RSU1: variants seen among roughly 807,000 people sequenced by gnomAD.
RSU1 encodes Ras suppressor protein 1.
In RSU1, 26 loss-of-function variants were observed where a neutral mutation model predicts 31.1. The ratio of observed to expected loss-of-function variants is 0.84; its 90% CI spans 0.61 to 1.16. The LOEUF (loss-of-function observed/expected upper bound fraction) is 1.16, where lower values mean the gene tolerates loss of function less well. RSU1 is among the 50% of genes most tolerant of loss of function. The pLI is 0.00. For synonymous variants in RSU1, 164 were observed against 136.3 expected (o/e 1.20, Z -1.41); for missense variants, 320 against 339.1 (o/e 0.94, Z 0.44).
chr10:16,698,369 G>A (rs1387981541), intron 7 of RSU1, among the ~76,000 whole-genome samples: 1 of 152,132 alleles, frequency 6.6e-6, no homozygotes, highest in Admixed American at 6.6e-5. Flanking sequence ...TATTTCTGCG[G>A]GAAAGAAGCA....
At position 16,606,911 on chromosome 10, in the gene RSU1, T is replaced by C. The variant is rs145439640; in HGVS notation, c.732-13415A>G. 1.7e-4 allele frequency among the ~76,000 whole-genome samples: 26 copies of C among 152,334 alleles called. No individual in the cohort carries two copies. The East Asian group carries it at 5.0e-3, about 29-fold the overall frequency. On this transcript the variant is annotated intron_variant, in intron 8 of 8. Coordinates refer to ENST00000345264, the MANE Select transcript of RSU1 (RefSeq NM_012425.4). ...GCTGTTGGCCATCTGCTCTTGGCACTGTCCCTCCCTCTCAGTTTCTCTCTG... is the reference window on the plus strand; with the variant it reads ...GCTGTTGGCCATCTGCTCTTGGCACCGTCCCTCCCTCTCAGTTTCTCTCTG...
At chr10:16,698,351 T>C (rs1297106721) in intron 7 of RSU1, among the ~76,000 whole-genome samples, 2 of 152,098 alleles carry the variant, frequency 1.3e-5, no homozygotes, top group South Asian at 2.1e-4. Context: ...ACTTAAGGAA[T>C]AGGGACGTAT....
chr10:16,692,042 G>A (rs1181163167), intron 8 of RSU1, among the ~76,000 whole-genome samples: 1 of 152,134 alleles, frequency 6.6e-6, no homozygotes, highest in Non-Finnish European at 1.5e-5. Context: ...ATAGGCGTGA[G>A]CCACCGCACC....
chr10:16,654,101 C>G (rs1185591478), intron 8 of RSU1, among the ~76,000 whole-genome samples: 1 of 151,944 alleles, frequency 6.6e-6, no homozygotes, highest in Non-Finnish European at 1.5e-5. Context: ...CTCCCGGGCT[C>G]AAGCGATTCT....
intron 7 of RSU1, among the ~76,000 whole-genome samples, chr10:16,729,276 A>C (rs549823713): frequency 6.6e-6 from 1 of 152,362 alleles, no homozygotes; most frequent in South Asian, 2.1e-4. Context: ...ATTATTAGTG[A>C]TATTGCAAAA....
intron 3 of RSU1, among the ~76,000 whole-genome samples, chr10:16,776,808 TAA>T (rs1299409603): frequency 5.0e-5 from 7 of 139,284 alleles, no homozygotes; most frequent in Admixed American, 2.9e-4. Flanking sequence ...TCACAAAATT[TAA>T]AAAAAAAAAA....
chr10:16,628,528 TAAAC>T (rs1362678475), intron 8 of RSU1, among the ~76,000 whole-genome samples: 2 of 152,348 alleles, frequency 1.3e-5, no homozygotes, highest in South Asian at 2.1e-4. Flanking sequence ...TTAGTTAGAA[TAAAC>T]AAACTGCAAG....
chr10:16,734,971 G>A (rs1333991469), intron 7 of RSU1, among the ~76,000 whole-genome samples: 4 of 152,140 alleles, frequency 2.6e-5, no homozygotes. Flanking sequence ...GGAGAAAAGG[G>A]CCACCCACAA....
At position 16,695,066 on chromosome 10, in the gene RSU1, C is replaced by A; in HGVS notation, c.688G>T (p.Val230Leu). 1 of 1,612,902 alleles carries A rather than the reference C, an allele frequency of 6.2e-7. No individual in the cohort carries two copies. The highest frequency in any genetic ancestry group is 8.5e-7 in the Non-Finnish European group (1 of 1,179,734). ...TPIADQFQLG[V>L]SHVFEYIRSE... Reference sequence around the variant, plus strand: ...CGGATATACTCAAAAACATGGGACACGCCAAGCTGGAACTGGTCTGCAATG... The same window carrying A: ...CGGATATACTCAAAAACATGGGACAAGCCAAGCTGGAACTGGTCTGCAATG... The change falls in exon 8 of 9, where the codon GTG (valine) becomes TTG (leucine). Residue 230 changes from valine to leucine, a missense_variant. Transcript: ENST00000345264.
chr10:16,712,729 G>T (rs1394617823), intron 7 of RSU1, among the ~76,000 whole-genome samples: 2 of 152,082 alleles, frequency 1.3e-5, no homozygotes, highest in African/African-American at 2.4e-5. Flanking sequence ...CATACTAGAG[G>T]ATTGAGAGAT....
intron 8 of RSU1, among the ~76,000 whole-genome samples, chr10:16,654,003 C>A (rs914853524): frequency 3.3e-5 from 5 of 151,850 alleles, no homozygotes; most frequent in Non-Finnish European, 7.4e-5. Context: ...ACTGTGACTT[C>A]TTTTTCATTT....
intron 8 of RSU1, among the ~76,000 whole-genome samples, chr10:16,668,341 T>C (rs1251879152): frequency 6.6e-6 from 1 of 152,116 alleles, no homozygotes; most frequent in Non-Finnish European, 1.5e-5. Flanking sequence ...CAGTGGAAAT[T>C]AACTGTGCAA....
At chr10:16,613,343 C>T (rs969527944) in intron 8 of RSU1, among the ~76,000 whole-genome samples, 2 of 152,224 alleles carry the variant, frequency 1.3e-5, no homozygotes, top group Non-Finnish European at 2.9e-5. Context: ...TCCACAGAGA[C>T]CACCTTCCTG....
intron 2 of RSU1, among the ~76,000 whole-genome samples, chr10:16,807,167 C>T (rs534312016): frequency 3.9e-5 from 6 of 152,334 alleles, no homozygotes; most frequent in African/African-American, 1.2e-4. Context: ...TACCGTTCTC[C>T]GGTCTGCACT....
intron 8 of RSU1, among the ~76,000 whole-genome samples, chr10:16,692,792 A>C (rs1277268681): frequency 6.6e-6 from 1 of 152,200 alleles, no homozygotes; most frequent in Admixed American, 6.5e-5. Flanking sequence ...TGAAACAATT[A>C]ATACACATCC....
rs1835081238 is a variant in RSU1, at chr10:16,670,239, T to C, written c.731+24784A>G. ...AGCGCAGGGGCTAGCAAACTTGGCTTGGTGCCTAAAATGAAAAGAGATAGA... is the reference window on the plus strand; with the variant it reads ...AGCGCAGGGGCTAGCAAACTTGGCTCGGTGCCTAAAATGAAAAGAGATAGA... On this transcript the variant is annotated intron_variant, in intron 8 of 8. Transcript: ENST00000345264. 2.0e-5 allele frequency among the ~76,000 whole-genome samples: 3 copies of C among 152,220 alleles called. No individual in the cohort carries two copies. The South Asian group carries it at 6.2e-4, about 31-fold the overall frequency.
intron 4 of RSU1, among the ~76,000 whole-genome samples, chr10:16,764,170 C>T (rs775027213): frequency 1.2e-4 from 19 of 152,056 alleles, no homozygotes; most frequent in Non-Finnish European, 2.5e-4. Flanking sequence ...TTCCTTATTG[C>T]GCCAACAATT....
At chr10:16,722,113 T>A (rs1836276470) in intron 7 of RSU1, among the ~76,000 whole-genome samples, 1 of 152,210 alleles carries the variant, frequency 6.6e-6, no homozygotes, top group South Asian at 2.1e-4. Flanking sequence ...TACATTCACA[T>A]AGCTTTTATT....
intron 8 of RSU1, among the ~76,000 whole-genome samples, chr10:16,595,970 A>G (rs1833605183): frequency 6.8e-6 from 1 of 147,098 alleles, no homozygotes; most frequent in Admixed American, 6.7e-5. Context: ...TCTGTCTCAG[A>G]AAAAAAAAAA....
Sources: allele counts gnomAD v4.1 joint callset (sites outside exome capture counted in the v4.1 genomes callset), GRCh38; gene constraint gnomAD v4.1.1; transcripts MANE v1.5; gene names NCBI Gene and HGNC (gene_info 2026-07-23, HGNC 2026-07-21).